CNTNAP2: variants seen among roughly 807,000 people sequenced by gnomAD.
CNTNAP2 encodes the protein contactin-associated protein-like 2.
A neutral mutation model predicts 155.2 loss-of-function variants in CNTNAP2; 98 were observed. That is an observed-to-expected ratio of 0.63 (90% CI 0.54 to 0.75). The LOEUF (loss-of-function observed/expected upper bound fraction) is 0.75. Among genes scored for constraint, CNTNAP2 ranks in the 30% least tolerant of loss-of-function variants. CNTNAP2 has a pLI of 0.00. For missense variants in CNTNAP2, 1,727 were observed against 1,688.1 expected (o/e 1.02, Z -0.40); for synonymous variants, 651 against 631.2 (o/e 1.03, Z -0.47).
At chr7:147,852,214 G>A (rs866288812) in intron 13 of CNTNAP2, among the ~76,000 whole-genome samples, 7 of 152,048 alleles carry the variant, frequency 4.6e-5, no homozygotes, top group Non-Finnish European at 8.8e-5. Context: ...AGAAGATCTC[G>A]CCGCACTTAT....
In CNTNAP2 at chr7:147,214,282, C is replaced by G. The variant is rs553792135; in HGVS notation, c.1348+81773C>G. The stretch of plus-strand genomic sequence containing the variant: ...GTTAGCAAAACACCATACGGTGAGA[C>G]AGCAAAGCACAGTGGCTTAGGAGCA... On this transcript the variant is annotated intron_variant, in intron 8 of 23. Coordinates refer to ENST00000361727, the MANE Select transcript of CNTNAP2 (RefSeq NM_014141.6). Among the ~76,000 whole-genome samples, 6 of 152,234 alleles carry G rather than the reference C, an allele frequency of 3.9e-5. No homozygotes were observed. The East Asian group carries it at 1.2e-3, about 29-fold the overall frequency.
chr7:146,721,764 CTACA>C (rs1801328615), intron 1 of CNTNAP2, among the ~76,000 whole-genome samples: 1 of 123,304 alleles, frequency 8.1e-6, no homozygotes, highest in Admixed American at 8.6e-5. Context: ...TATATATAGT[CTACA>C]TATATATTCT....
At chr7:147,373,179 C>T (rs1796377288) in intron 9 of CNTNAP2, among the ~76,000 whole-genome samples, 1 of 152,030 alleles carries the variant, frequency 6.6e-6, no homozygotes. Flanking sequence ...AACAGGCTCT[C>T]TCTATTTAGA....
intron 17 of CNTNAP2, among the ~76,000 whole-genome samples, chr7:148,164,377 G>T (rs1426531518): frequency 6.6e-6 from 1 of 151,976 alleles, no homozygotes; most frequent in East Asian, 1.9e-4. Context: ...AGCTGCTTTT[G>T]CCCCCTGACC....
chr7:147,029,115 C>T (rs1178233652), intron 3 of CNTNAP2, among the ~76,000 whole-genome samples: 4 of 151,932 alleles, frequency 2.6e-5, no homozygotes, highest in Non-Finnish European at 4.4e-5. Context: ...AGGCACCCGC[C>T]ACCACGCCCA....
At chr7:146,279,710 C>T (rs1800220285) in intron 1 of CNTNAP2, among the ~76,000 whole-genome samples, 1 of 151,704 alleles carries the variant, frequency 6.6e-6, no homozygotes, top group South Asian at 2.1e-4. Context: ...AAAAATATAA[C>T]TGTAGTAGTC....
At chr7:147,227,107 T>A (rs961077267) in intron 8 of CNTNAP2, among the ~76,000 whole-genome samples, 2 of 152,190 alleles carry the variant, frequency 1.3e-5, no homozygotes, top group Non-Finnish European at 2.9e-5. Context: ...CCTGAGAAGA[T>A]GGCAATTTAG....
chr7:146,850,517 T>A (rs1239347564), intron 3 of CNTNAP2, among the ~76,000 whole-genome samples: 1 of 152,308 alleles, frequency 6.6e-6, no homozygotes, highest in African/African-American at 2.4e-5. Flanking sequence ...CTTTATATCA[T>A]TTAATCTTAA....
At chr7:147,963,378 T>C (rs1287411838) in intron 14 of CNTNAP2, among the ~76,000 whole-genome samples, 4 of 152,092 alleles carry the variant, frequency 2.6e-5, no homozygotes, top group Non-Finnish European at 5.9e-5. Context: ...ATACAGTTCT[T>C]CCTAGAGGAA....
chr7:147,400,450 G>T (rs1051058763), intron 10 of CNTNAP2, among the ~76,000 whole-genome samples: 1 of 152,110 alleles, frequency 6.6e-6, no homozygotes, highest in Non-Finnish European at 1.5e-5. Flanking sequence ...CAGGACACAT[G>T]GTTAGGAAGA....
intron 16 of CNTNAP2, among the ~76,000 whole-genome samples, chr7:148,132,739 C>T (rs576090919): frequency 1.3e-3 from 194 of 152,344 alleles, no homozygotes; most frequent in African/African-American, 4.2e-3. Context: ...ATAGTCAAAT[C>T]ACGGTCCTGC....
intron 3 of CNTNAP2, among the ~76,000 whole-genome samples, chr7:146,923,678 C>G (rs10255639): frequency 0.011 from 1,625 of 152,226 alleles, 31 homozygotes; most frequent in African/African-American, 0.038. Flanking sequence ...GTCCGCTACT[C>G]CTGGTGGATT....
At chr7:146,204,590 T>A (rs1798917993) in intron 1 of CNTNAP2, among the ~76,000 whole-genome samples, 1 of 151,946 alleles carries the variant, frequency 6.6e-6, no homozygotes, top group Non-Finnish European at 1.5e-5. Flanking sequence ...TTGTATGGAG[T>A]CTCTCTCATG....
intron 8 of CNTNAP2, among the ~76,000 whole-genome samples, chr7:147,255,348 A>G (rs1486055091): frequency 1.3e-5 from 2 of 152,034 alleles, no homozygotes; most frequent in Non-Finnish European, 2.9e-5. Flanking sequence ...CAGCCTCCCA[A>G]TTAGATGGGA....
At chr7:147,947,454 C>CAAAAAAAAAAA (rs10708483) in intron 14 of CNTNAP2, among the ~76,000 whole-genome samples, 1 of 80,286 alleles carries the variant, frequency 1.2e-5, no homozygotes. Flanking sequence ...CCTGTCTCTA[C>CAAAAAAAAAAA]AAAAAAAAAA....
intron 3 of CNTNAP2, among the ~76,000 whole-genome samples, chr7:146,974,586 A>C (rs2129234650): frequency 6.6e-6 from 1 of 152,344 alleles, no homozygotes; most frequent in South Asian, 2.1e-4. Flanking sequence ...TTGTAGGCAA[A>C]GTTATCTCTC....
intron 1 of CNTNAP2, among the ~76,000 whole-genome samples, chr7:146,161,987 C>A (rs1322139051): frequency 2.0e-5 from 3 of 148,660 alleles, no homozygotes; most frequent in African/African-American, 2.4e-5. Flanking sequence ...GGATCCCTTC[C>A]TTACACCTTA....
chr7:146,603,048 A>C (rs535967932), intron 1 of CNTNAP2, among the ~76,000 whole-genome samples: 1 of 151,608 alleles, frequency 6.6e-6, no homozygotes, highest in East Asian at 1.9e-4. Context: ...AAGCAAGCAT[A>C]GGGCTCTGCA....
intron 13 of CNTNAP2, among the ~76,000 whole-genome samples, chr7:147,832,862 T>A (rs1798575532): frequency 6.7e-6 from 1 of 148,220 alleles, no homozygotes; most frequent in Non-Finnish European, 1.5e-5. Flanking sequence ...TTTATACATA[T>A]TTTATATGTT....
Sources: gnomAD v4.1 joint callset for allele counts (sites outside exome capture counted in the v4.1 genomes callset) on GRCh38, gnomAD v4.1.1 for gene constraint, MANE v1.5 for transcripts, NCBI Gene and HGNC (gene_info 2026-07-23, HGNC 2026-07-21) for gene names.